The following MXRA5 variants were observed in gnomAD, a reference collection of about 807,000 sequenced individuals.
MXRA5 encodes the protein matrix-remodeling-associated protein 5.
Under a neutral mutation model 112.5 loss-of-function variants are expected in MXRA5, and 41 were observed. The observed-to-expected ratio is 0.36, with a 90% CI of 0.28 to 0.47. The LOEUF (loss-of-function observed/expected upper bound fraction) is 0.47, where lower values mean the gene tolerates loss of function less well. Among genes scored for constraint, MXRA5 ranks in the 20% least tolerant of loss-of-function variants. The pLI is 0.99. For synonymous variants in MXRA5, 862 were observed against 900.8 expected (o/e 0.96, Z 0.77); for missense variants, 2,150 against 2,251.0 (o/e 0.96, Z 0.91).
In MXRA5 at chrX:3,322,891, C is replaced by G. The variant is rs1278096718; in HGVS notation, c.2794G>C (p.Glu932Gln). 1 of 1,211,454 alleles carries G rather than the reference C, an allele frequency of 8.3e-7. No homozygotes were observed. ...PTLHTLDTVY[E>Q]KPTHEETATE... ...GCCGTCTCTTCATGGGTGGGCTTTT[C>G]ATAGACTGTGTCTAATGTGTGCAGA... Residue 932 changes from glutamate (E) to glutamine (Q), a missense_variant, in exon 5 of 7, where the codon GAA (glutamate) becomes CAA (glutamine). Physicochemically the swap from Glu to Gln is conservative, Grantham distance 29 (BLOSUM62 2). This residue lies in a region of MXRA5 where 1,485 missense variants were observed against 1,471.6 expected (regional missense o/e 1.01). Coordinates refer to ENST00000217939, the MANE Select transcript of MXRA5 (RefSeq NM_015419.4).
chrX:3,332,095 G>A, intron 2 of MXRA5, among the ~76,000 whole-genome samples: 1 of 112,055 alleles, frequency 8.9e-6, no homozygotes, highest in Non-Finnish European at 1.9e-5. Context: ...AGAAACACCA[G>A]GTTAGGTGTG....
chrX:3,321,614 G>A lies in MXRA5; in HGVS notation c.4071C>T (p.Ser1357=). The A allele has an allele frequency of 8.3e-7, 1 of 1,210,906 alleles. No homozygotes were observed. The highest frequency in any genetic ancestry group is 1.8e-5 in the South Asian group (1 of 56,935). ...SITNAIPTSR[S]LVSTMGEFKE... is the part of the protein sequence containing the mutation. Reference sequence around the variant, plus strand: ...TAAATTCTCCCATAGTGGAGACCAAGGAGCGAGAAGTTGGTATGGCATTAG... The same window carrying A: ...TAAATTCTCCCATAGTGGAGACCAAAGAGCGAGAAGTTGGTATGGCATTAG... The change falls in exon 5 of 7, where the codon TCC becomes TCT. Residue 1357 remains serine, a synonymous_variant. Transcript: ENST00000217939.
chrX:3,340,123 AT>A (rs1037952288), intron 2 of MXRA5, among the ~76,000 whole-genome samples: 5 of 111,632 alleles, frequency 4.5e-5, no homozygotes, highest in African/African-American at 6.5e-5. Context: ...CTGAAAAAAA[AT>A]ATTTGGAAAG....
At chrX:3,343,154 G>A (rs775216577) in intron 2 of MXRA5, among the ~76,000 whole-genome samples, 1 of 112,530 alleles carries the variant, frequency 8.9e-6, no homozygotes, top group Non-Finnish European at 1.9e-5. Context: ...AAAAGACGTT[G>A]ATATTTTTAA....
At chrX:3,311,830 A>C (rs1920994120) in intron 6 of MXRA5, among the ~76,000 whole-genome samples, 1 of 112,370 alleles carries the variant, frequency 8.9e-6, no homozygotes, top group Non-Finnish European at 1.9e-5. Flanking sequence ...GTTGAATCTG[A>C]TGTTAGGCTG....
chrX:3,326,425 T>C (rs1451924421), intron 4 of MXRA5, among the ~76,000 whole-genome samples: 18 of 101,605 alleles, frequency 1.8e-4, no homozygotes, highest in Non-Finnish European at 3.1e-4. Context: ...GGACTATATA[T>C]TTATAACTCT....
In MXRA5 at chrX:3,309,766, T is replaced by C; in HGVS notation, c.8437A>G (p.Lys2813Glu). The change falls in exon 7 of 7, where the codon AAA becomes GAA. Residue 2813 changes from lysine to glutamate, a missense_variant. Transcript: ENST00000217939. ...RDAGFYKCMA[K>E]NILGSDSKTT... Reference sequence around the variant, plus strand: ...TTGGAGTCACTGCCGAGAATGTTTTTTGCCATGCACTTGTAGAAGCCGGCA... The same window carrying C: ...TTGGAGTCACTGCCGAGAATGTTTTCTGCCATGCACTTGTAGAAGCCGGCA... 8.3e-7 allele frequency: 1 copy of C among 1,211,878 alleles called. No individual in the cohort carries two copies. The highest frequency in any genetic ancestry group is 1.1e-6 in the Non-Finnish European group (1 of 895,549).
chrX:3,346,040 G>C (rs1348671873), intron 1 of MXRA5, among the ~76,000 whole-genome samples: 3 of 112,328 alleles, frequency 2.7e-5, no homozygotes, highest in Non-Finnish European at 5.6e-5. Flanking sequence ...GGGAAGAGAG[G>C]AGGGAGAGGA....
intron 6 of MXRA5, among the ~76,000 whole-genome samples, chrX:3,311,881 C>T (rs1920994649): frequency 1.8e-5 from 2 of 112,211 alleles, no homozygotes; most frequent in Non-Finnish European, 3.8e-5. Context: ...TAGTCAAAGA[C>T]GTCAATCCCA....
In MXRA5 at chrX:3,310,641, C is replaced by A; in HGVS notation, c.7562G>T (p.Arg2521Leu). 1 of 1,014,113 alleles carries A rather than the reference C, an allele frequency of 9.9e-7. No individual in the cohort carries two copies. The highest frequency in any genetic ancestry group is 1.4e-6 in the Non-Finnish European group (1 of 735,304). 83.6% of individuals were successfully genotyped at this position (1,014,113 alleles called of 1,213,427 possible). ...CAACCTGGCCTCCCCTCCCTCGTTG[C>A]GTGCCATGCATACCAGCTGGACGGA... ...SDSVQLVCMA[R>L]NEGGEARLIL... is the part of the protein sequence containing the mutation. Residue 2521 changes from arginine (R) to leucine (L), a missense_variant, in exon 7 of 7, where the codon CGC becomes CTC. Coordinates refer to ENST00000217939, the MANE Select transcript of MXRA5 (RefSeq NM_015419.4).
intron 2 of MXRA5, among the ~76,000 whole-genome samples, chrX:3,332,340 G>C (rs1164486013): frequency 2.7e-5 from 3 of 110,946 alleles, no homozygotes; most frequent in Non-Finnish European, 3.8e-5. Flanking sequence ...CGCCTCCCAG[G>C]TTCACGCCAT....
rs1282595316 is a variant in MXRA5 at position 3,322,958 on chromosome X, T to G, written c.2727A>C (p.Ala909=). Residue 909 remains alanine, a synonymous_variant, in exon 5 of 7, where the codon GCA becomes GCC. Coordinates refer to ENST00000217939, the MANE Select transcript of MXRA5 (RefSeq NM_015419.4). ...TSTEGDLKGT[A]APTLISEPYE... ...AAGGCTCAGATATAAGTGTAGGGGC[T>G]GCTGTCCCCTTCAGGTCTCCTTCAG... The G allele has an allele frequency of 8.3e-7, 1 of 1,209,204 alleles. No individual in the cohort carries two copies. The highest frequency in any genetic ancestry group is 1.1e-6 in the Non-Finnish European group (1 of 894,988).
At chrX:3,325,055 T>G in intron 4 of MXRA5, 80 bp from the exon 5 acceptor site, 1 of 1,016,919 alleles carries the variant, frequency 9.8e-7, no homozygotes, top group Non-Finnish European at 1.3e-6. Flanking sequence ...GGATAAAGCC[T>G]ATGTTTGCAT....
intron 6 of MXRA5, among the ~76,000 whole-genome samples, chrX:3,315,023 T>A (rs1301523814): frequency 9.1e-6 from 1 of 110,058 alleles, no homozygotes; most frequent in Non-Finnish European, 1.9e-5. Context: ...GATAGGTAAA[T>A]GGATAGGCAA....
Position 3,317,881 on chromosome X carries a change from G to A in MXRA5, c.5800C>T (p.His1934Tyr), listed in dbSNP as rs868389386. 1 of 1,209,498 alleles carries A rather than the reference G, an allele frequency of 8.3e-7. No homozygotes were observed. Among genetic ancestry groups the A allele is most frequent in the African/African-American group, 1.8e-5 (1 of 56,971 alleles). Residue 1934 changes from histidine (H) to tyrosine (Y), a missense_variant, in exon 6 of 7, where the codon CAC becomes TAC. His to Tyr is a moderately conservative substitution (Grantham distance 83). This residue lies in a region of MXRA5 where 1,485 missense variants were observed against 1,471.6 expected (regional missense o/e 1.01). Coordinates refer to ENST00000217939, the MANE Select transcript of MXRA5 (RefSeq NM_015419.4). ...AAGACCACCATCCTGTCCAGGCCGT[G>A]CAGGTTGCTGGCGGTGCACATATAC... ...GQYMCTASNL[H>Y]GLDRMVVLLS...
intron 6 of MXRA5, among the ~76,000 whole-genome samples, 185 bp from the exon 7 acceptor site, chrX:3,311,809 A>T (rs1233169721): frequency 1.8e-5 from 2 of 112,321 alleles, no homozygotes; most frequent in Non-Finnish European, 1.9e-5. Context: ...GACTGCAAAT[A>T]AGAACTCCCT....
intron 6 of MXRA5, among the ~76,000 whole-genome samples, chrX:3,315,881 T>C: frequency 9.0e-6 from 1 of 110,502 alleles, no homozygotes; most frequent in East Asian, 2.8e-4. Flanking sequence ...AGAGGCAAGC[T>C]GAATTGTTTG....
chrX:3,326,928 G>A (rs773483079), intron 4 of MXRA5, among the ~76,000 whole-genome samples: 20 of 111,634 alleles, frequency 1.8e-4, no homozygotes, highest in Non-Finnish European at 3.8e-5. Context: ...ACACCCCATT[G>A]CCTCTTTGAC....
chrX:3,339,295 C>T (rs1308723431), intron 2 of MXRA5, among the ~76,000 whole-genome samples: 2 of 109,192 alleles, frequency 1.8e-5, no homozygotes, highest in African/African-American at 3.3e-5. Context: ...GATGGCGTCT[C>T]GCTCTGTCAC....
Sources: allele counts gnomAD v4.1 joint callset (sites outside exome capture counted in the v4.1 genomes callset), GRCh38; gene constraint gnomAD v4.1.1; regional missense constraint gnomAD v4.1.1; transcripts MANE v1.5; gene names NCBI Gene and HGNC (gene_info 2026-07-23, HGNC 2026-07-21).